Variants in EBI3 observed in about 807,000 individuals in gnomAD.
The protein encoded by EBI3 is Epstein-Barr virus induced 3, also known as interleukin-27 subunit beta.
A neutral mutation model predicts 21.3 loss-of-function variants in EBI3; 19 were observed. That is an observed-to-expected ratio of 0.89 (90% confidence interval 0.62 to 1.31). The LOEUF is 1.31. EBI3 is among the 50% of genes most tolerant of loss of function. The pLI is 0.00. For synonymous variants in EBI3, 154 were observed against 131.2 expected (o/e 1.17, Z -1.19); for missense variants, 331 against 314.0 (o/e 1.05, Z -0.41).
chr19:4,237,086 T>A lies in EBI3; in HGVS notation c.688T>A (p.Ter230LysextTer61). 3.3e-6 allele frequency: 5 copies of A among 1,515,952 alleles called. No homozygotes were observed. The highest frequency in any genetic ancestry group is 4.4e-6 in the Non-Finnish European group (5 of 1,127,322). The allele number at this position is 1,515,952 out of a possible 1,614,324, so 93.9% of individuals were successfully genotyped here. The change falls in exon 5 of 5, where the codon TAG (stop) becomes AAG (lysine). Residue 230 changes from the stop codon to lysine (K), a stop_lost. Transcript: ENST00000221847. ...PATATMSLGK[*>K] ...CACTGCCACAATGAGCCTGGGCAAGTAGCAAGGGCTTCCCGCTGCCTCCAG... is the reference window on the plus strand; with the variant it reads ...CACTGCCACAATGAGCCTGGGCAAGAAGCAAGGGCTTCCCGCTGCCTCCAG...
chr19:4,230,932 C>T (rs992431822), intron 1 of EBI3, among the ~76,000 whole-genome samples: 3 of 152,016 alleles, frequency 2.0e-5, no homozygotes, highest in Admixed American at 1.3e-4. Context: ...TCTCTCTTAC[C>T]CGAGTTCCTC....
Position 4,231,285 on chromosome 19 carries a change from A to G in EBI3, c.162A>G (p.Pro54=), listed in dbSNP as rs1970779970. Residue 54 remains proline, a synonymous_variant, in exon 2 of 5, where the codon CCA becomes CCG. Transcript: ENST00000221847. ...VDCSWTLPPA[P]NSTSPVSFIA... is the part of the protein sequence containing the mutation. ...GCTCCTGGACCCTGCCGCCTGCTCC[A>G]AACTCCACCAGCCCCGTGTCCTTCA... 1 of 1,612,874 alleles carries G rather than the reference A, an allele frequency of 6.2e-7. No homozygotes were observed. The highest frequency in any genetic ancestry group is 1.3e-5 in the African/African-American group (1 of 74,770).
intron 4 of EBI3, among the ~76,000 whole-genome samples, chr19:4,236,189 A>G (rs1970835344): frequency 6.6e-6 from 1 of 152,174 alleles, no homozygotes; most frequent in Non-Finnish European, 1.5e-5. Context: ...TCACAGCTCT[A>G]CTAAAAATAC....
intron 2 of EBI3, among the ~76,000 whole-genome samples, chr19:4,231,983 T>C (rs982524545): frequency 6.6e-6 from 1 of 151,338 alleles, no homozygotes; most frequent in Non-Finnish European, 1.5e-5. Context: ...TCCCAGCACT[T>C]TGGGAGGCCG....
At chr19:4,232,483 C>T (rs113529252) in intron 2 of EBI3, among the ~76,000 whole-genome samples, 14 of 150,314 alleles carry the variant, frequency 9.3e-5, no homozygotes, top group Non-Finnish European at 1.6e-4. Context: ...CTTGGGAGGC[C>T]GAGGTGGGAG....
chr19:4,232,546 C>A (rs937971713), intron 2 of EBI3, among the ~76,000 whole-genome samples: 4 of 150,418 alleles, frequency 2.7e-5, no homozygotes, highest in Non-Finnish European at 5.9e-5. Context: ...ACTGAGACCC[C>A]CCCCCATCTG....
Position 4,233,313 on chromosome 19 carries a change from TG to T in EBI3, c.379+11del. On this transcript the variant is annotated splice_region_variant and intron_variant, in intron 3 of 4. Transcript: ENST00000221847. ...TTTCATAACAGAGCACATCAGTGAG[TG>T]GGGGCGGCAGTGGGGGCGGGGGCGG... 5.4e-6 allele frequency: 3 copies of T among 553,390 alleles called. No individual in the cohort carries two copies. Among genetic ancestry groups the T allele is most frequent in the East Asian group, 6.3e-5 (1 of 15,894 alleles). 34.3% of individuals were successfully genotyped at this position (553,390 alleles called of 1,614,324 possible).
At chr19:4,234,159 T>C (rs1266639617) in intron 3 of EBI3, among the ~76,000 whole-genome samples, 2 of 152,156 alleles carry the variant, frequency 1.3e-5, no homozygotes, top group Non-Finnish European at 2.9e-5. Context: ...TGAGCTGAGA[T>C]TGTGCCACTG....
intron 1 of EBI3, 107 bp from the exon 2 acceptor site, chr19:4,231,083 CT>C: frequency 7.1e-7 from 1 of 1,399,614 alleles, no homozygotes. Context: ...TATTAGGCAC[CT>C]ACCATGTACC....
intron 3 of EBI3, among the ~76,000 whole-genome samples, chr19:4,233,751 A>C (rs1228420415): frequency 6.6e-6 from 1 of 152,164 alleles, no homozygotes; most frequent in Admixed American, 6.5e-5. Context: ...GATGTTCAAC[A>C]TGCCAGGAAT....
At chr19:4,230,422 A>G (rs1448473823) in intron 1 of EBI3, among the ~76,000 whole-genome samples, 3 of 151,904 alleles carry the variant, frequency 2.0e-5, no homozygotes, top group Non-Finnish European at 4.4e-5. Context: ...AAATTAAAAA[A>G]TTAGCTAGAT....
chr19:4,234,896 G>A (rs1970823745), intron 4 of EBI3, 72 bp downstream of exon 4: 1 of 1,579,692 alleles, frequency 6.3e-7, no homozygotes, highest in African/African-American at 1.3e-5. Flanking sequence ...AAGACTAGCA[G>A]GTGTGCTGGG....
chr19:4,230,500 A>G (rs1443415432), intron 1 of EBI3, among the ~76,000 whole-genome samples: 3 of 151,894 alleles, frequency 2.0e-5, no homozygotes, highest in African/African-American at 7.3e-5. Flanking sequence ...TGAGCCCAGG[A>G]ATTGGAGGCT....
chr19:4,236,081 C>T (rs954786607), intron 4 of EBI3, among the ~76,000 whole-genome samples: 11 of 151,864 alleles, frequency 7.2e-5, no homozygotes, highest in East Asian at 1.9e-4. Flanking sequence ...ATTGGCCTGG[C>T]GCGGTGGCTC....
intron 3 of EBI3, among the ~76,000 whole-genome samples, chr19:4,233,615 G>A (rs1259173410): frequency 6.6e-6 from 1 of 152,116 alleles, no homozygotes; most frequent in Non-Finnish European, 1.5e-5. Context: ...CACCTGCCTT[G>A]GGGTCAAAGC....
At chr19:4,232,763 T>G (rs753489076) in intron 2 of EBI3, among the ~76,000 whole-genome samples, 1 of 35,898 alleles carries the variant, frequency 2.8e-5, no homozygotes. Flanking sequence ...AATGAATGAA[T>G]GAAGGAATGA....
intron 4 of EBI3, among the ~76,000 whole-genome samples, chr19:4,235,743 C>T (rs1970831726): frequency 6.6e-6 from 1 of 152,004 alleles, no homozygotes; most frequent in Admixed American, 6.6e-5. Flanking sequence ...GCCTGGGTAA[C>T]ATAGTGAGAC....
Position 4,233,158 on chromosome 19 carries a change from G to T in EBI3, c.230G>T (p.Trp77Leu). 1 of 1,603,774 alleles carries T rather than the reference G, an allele frequency of 6.2e-7. No homozygotes were observed. The highest frequency in any genetic ancestry group is 2.2e-5 in the East Asian group (1 of 44,826). ...GGCATGGCTGCCCGGGGCCACAGCTGGCCCTGCCTGCAGCAGACGCCAACG... is the reference window on the plus strand; with the variant it reads ...GGCATGGCTGCCCGGGGCCACAGCTTGCCCTGCCTGCAGCAGACGCCAACG... ...RLGMAARGHS[W>L]PCLQQTPTST... is the part of the protein sequence containing the mutation. The change falls in exon 3 of 5, where the codon TGG becomes TTG. Residue 77 changes from tryptophan (W) to leucine (L), a missense_variant. Trp to Leu is a moderately conservative substitution (Grantham distance 61). Transcript: ENST00000221847.
chr19:4,231,461 C>A, intron 2 of EBI3, 138 bp downstream of exon 2: 1 of 1,280,894 alleles, frequency 7.8e-7, no homozygotes. Flanking sequence ...TCTAGGGCGG[C>A]CCCGTCCAAT....
Sources: gnomAD v4.1 joint callset for allele counts (sites outside exome capture counted in the v4.1 genomes callset) on GRCh38, gnomAD v4.1.1 for gene constraint, MANE v1.5 for transcripts, NCBI Gene and HGNC (gene_info 2026-07-23, HGNC 2026-07-21) for gene names.